The following CHRDL2 variants were observed in gnomAD, a reference collection of about 807,000 sequenced individuals.
The protein encoded by CHRDL2 is chordin-like protein 2.
CHRDL2 carries 41 observed loss-of-function variants against 54.3 expected under a neutral mutation model. The observed-to-expected ratio is 0.76, with a 90% CI of 0.59 to 0.98. CHRDL2 has a LOEUF of 0.98. Ranked by LOEUF, CHRDL2 falls within the 50% of genes least tolerant of loss-of-function variation. CHRDL2 has a pLI of 0.00. For synonymous variants in CHRDL2, 220 were observed against 224.3 expected (o/e 0.98, Z 0.17); for missense variants, 518 against 562.4 (o/e 0.92, Z 0.80).
intron 1 of CHRDL2, among the ~76,000 whole-genome samples, chr11:74,729,023 G>C (rs552051263): frequency 6.6e-6 from 1 of 152,344 alleles, no homozygotes; most frequent in Admixed American, 6.5e-5. Flanking sequence ...AGTCACCGGG[G>C]AGAGTTTGCT....
At position 74,713,395 on chromosome 11, in the gene CHRDL2, TG is replaced by T; in HGVS notation, c.279del (p.Lys94SerfsTer101). ...GAGCATGGCTACTTACCCACACACTTGGGACAGCATTGCTGTGGCTCCGTCA... is the reference window on the plus strand; with the variant it reads ...GAGCATGGCTACTTACCCACACACTTGGACAGCATTGCTGTGGCTCCGTCA... ...QPVTEPQQCC[P>X]KCVEPHTPSG... On this transcript the variant is annotated frameshift_variant, in exon 3 of 11. Transcript: ENST00000376332. LOFTEE classifies it high-confidence loss of function. 6.2e-7 allele frequency: 1 copy of T among 1,613,896 alleles called. No homozygotes were observed. The highest frequency in any genetic ancestry group is 1.3e-5 in the African/African-American group (1 of 75,006).
intron 2 of CHRDL2, among the ~76,000 whole-genome samples, chr11:74,715,296 G>A (rs1034917128): frequency 1.3e-5 from 2 of 152,168 alleles, no homozygotes; most frequent in Non-Finnish European, 2.9e-5. Context: ...AACAGTGAAA[G>A]ATAGACTATT....
At chr11:74,715,407 C>T (rs899452577) in intron 2 of CHRDL2, among the ~76,000 whole-genome samples, 5 of 151,880 alleles carry the variant, frequency 3.3e-5, no homozygotes, top group African/African-American at 9.7e-5. Flanking sequence ...AGTTTGAGAC[C>T]AGCCTGGCCA....
At chr11:74,718,654 G>T in intron 2 of CHRDL2, 66 bp downstream of exon 2, 3 of 1,093,290 alleles carry the variant, frequency 2.7e-6, no homozygotes, top group Non-Finnish European at 4.1e-6. Flanking sequence ...CTCCTTCTGG[G>T]GTGACTTCTC....
chr11:74,706,746 G>A (rs1303271139), intron 5 of CHRDL2, among the ~76,000 whole-genome samples: 1 of 152,172 alleles, frequency 6.6e-6, no homozygotes, highest in African/African-American at 2.4e-5. Flanking sequence ...TTGGGTTGAT[G>A]AAGTCCCCTA....
intron 9 of CHRDL2, 69 bp downstream of exon 9, chr11:74,702,725 G>A: frequency 6.4e-7 from 1 of 1,562,690 alleles, no homozygotes; most frequent in Non-Finnish European, 8.8e-7. Context: ...TAAGGCCCCT[G>A]TGGGGTCTGG....
rs1241511875 is a variant in CHRDL2 at position 74,708,313 on chromosome 11, T to C, written c.515A>G (p.Gln172Arg). 1 of 1,575,748 alleles carries C rather than the reference T, an allele frequency of 6.3e-7. No homozygotes were observed. The highest frequency in any genetic ancestry group is 1.2e-5 in the South Asian group (1 of 86,152). ...AGGGACAGACTCACCTTTGCAGGCC[T>C]GGCAGCAGGAGTCTGGCAGCGGGAG... ...APLPLPDSCCQACKDEASEQS... is the reference protein window; with the variant it reads ...APLPLPDSCCRACKDEASEQS... Residue 172 changes from glutamine to arginine, a missense_variant, in exon 5 of 11, where the codon CAG (glutamine) becomes CGG (arginine). By Grantham distance (43) the Gln-to-Arg change is conservative (BLOSUM62 1). Transcript: ENST00000376332.
At chr11:74,697,403 C>T (rs912235536) in intron 9 of CHRDL2, 106 bp from the exon 10 acceptor site, 4 of 745,090 alleles carry the variant, frequency 5.4e-6, no homozygotes, top group Admixed American at 1.9e-5. Flanking sequence ...CTCCCTCCCC[C>T]ACCCCATTCT....
intron 1 of CHRDL2, among the ~76,000 whole-genome samples, chr11:74,721,539 C>T (rs1324636289): frequency 2.0e-5 from 3 of 152,240 alleles, no homozygotes; most frequent in Non-Finnish European, 4.4e-5. Flanking sequence ...TAGAAGGTGA[C>T]AGGCACAAGG....
rs1554986943 is a variant in CHRDL2 at position 74,716,556 on chromosome 11, A to AAAAG, written c.195+2160_195+2163dup. 3.4e-3 allele frequency among the ~76,000 whole-genome samples: 471 copies of AAAAG among 139,788 alleles called. 9 individuals carry two copies. The highest frequency in any genetic ancestry group is 3.6e-3 in the Non-Finnish European group (237 of 65,372). The allele number at this position is 139,788 out of a possible 152,430, so 91.7% of individuals were successfully genotyped here. On this transcript the variant is annotated intron_variant, in intron 2 of 10. Coordinates refer to ENST00000376332, the MANE Select transcript of CHRDL2 (RefSeq NM_001278473.3). Reference sequence around the variant, plus strand: ...CTCCATCTCCAAAAAAAAAAAAAAAAAAAGAAAGAAAAGAAAAGAAATTGG... The same window carrying AAAAG: ...CTCCATCTCCAAAAAAAAAAAAAAAAAAAGAAAGAAAGAAAAGAAAAGAAATTGG...
intron 1 of CHRDL2, among the ~76,000 whole-genome samples, chr11:74,726,560 C>T (rs1265339886): frequency 6.6e-6 from 1 of 152,192 alleles, no homozygotes; most frequent in East Asian, 1.9e-4. Flanking sequence ...CCAGGGGCAC[C>T]GCTGTCATGC....
At chr11:74,703,525 G>T in intron 7 of CHRDL2, 26 bp from the exon 8 acceptor site, 1 of 1,534,890 alleles carries the variant, frequency 6.5e-7, no homozygotes, top group East Asian at 2.4e-5. Context: ...GAGAAGGAAG[G>T]AGGATCAGGG....
intron 9 of CHRDL2, among the ~76,000 whole-genome samples, chr11:74,700,061 T>A (rs1431365548): frequency 6.6e-6 from 1 of 152,258 alleles, no homozygotes; most frequent in Non-Finnish European, 1.5e-5. Context: ...CGAGGTCACC[T>A]CTGTGGAGGT....
intron 1 of CHRDL2, among the ~76,000 whole-genome samples, chr11:74,722,547 G>C (rs530947116): frequency 6.8e-6 from 1 of 146,932 alleles, no homozygotes; most frequent in Admixed American, 6.7e-5. Context: ...CAACTAAATA[G>C]GTTTAAAAAA....
At chr11:74,706,229 G>C (rs1002781305) in intron 6 of CHRDL2, among the ~76,000 whole-genome samples, 16 of 152,130 alleles carry the variant, frequency 1.1e-4, no homozygotes, top group African/African-American at 3.9e-4. Context: ...AGAGGAAAGT[G>C]AGGAAGTTTG....
chr11:74,720,649 A>G (rs1401756915), intron 1 of CHRDL2, among the ~76,000 whole-genome samples: 2 of 152,188 alleles, frequency 1.3e-5, no homozygotes, highest in Non-Finnish European at 2.9e-5. Context: ...GGGTTCTTAC[A>G]CTTCCTAAAT....
In CHRDL2 at chr11:74,703,445, A is replaced by C; in HGVS notation, c.806T>G (p.Phe269Cys). The C allele has an allele frequency of 6.2e-7, 1 of 1,612,760 alleles. No homozygotes were observed. Reference protein sequence around the residue: ...YSHGEVWHPAFRAFGPLPCIL... With the variant: ...YSHGEVWHPACRAFGPLPCIL... ...GCAGGGCAAGGGGCCGAAGGCACGGAAGGCCGGGTGCCACACCTCCCCGTG... is the reference window on the plus strand; with the variant it reads ...GCAGGGCAAGGGGCCGAAGGCACGGCAGGCCGGGTGCCACACCTCCCCGTG... The change falls in exon 8 of 11, where the codon TTC becomes TGC. Residue 269 changes from phenylalanine (F) to cysteine (C), a missense_variant. Physicochemically the swap from Phe to Cys is radical, Grantham distance 205. Transcript: ENST00000376332.
Position 74,702,970 on chromosome 11 carries a change from G to A in CHRDL2, c.947-3C>T. The stretch of plus-strand genomic sequence containing the variant: ...GTGGCCAGGGTCTGCTTTGTCCTCT[G>A]GAGAGACAAGAAGCTCATGAAGTGT... On this transcript the variant is annotated splice_region_variant and splice_polypyrimidine_tract_variant and intron_variant, in intron 8 of 10. Transcript: ENST00000376332. 1 of 1,606,758 alleles carries A rather than the reference G, an allele frequency of 6.2e-7. No individual in the cohort carries two copies. Among genetic ancestry groups the A allele is most frequent in the Non-Finnish European group, 8.5e-7 (1 of 1,176,000 alleles).
At chr11:74,726,714 G>C (rs2034577222) in intron 1 of CHRDL2, among the ~76,000 whole-genome samples, 1 of 152,224 alleles carries the variant, frequency 6.6e-6, no homozygotes, top group East Asian at 1.9e-4. Context: ...GCCGGGCTCA[G>C]GCTCAGCAGC....
Sources: gnomAD v4.1 joint callset for allele counts (sites outside exome capture counted in the v4.1 genomes callset) on GRCh38, gnomAD v4.1.1 for gene constraint, MANE v1.5 for transcripts, NCBI Gene and HGNC (gene_info 2026-07-23, HGNC 2026-07-21) for gene names.